The following CDH8 variants were observed in gnomAD, a reference collection of about 807,000 sequenced individuals.
The protein encoded by CDH8 is cadherin-8.
A neutral mutation model predicts 68.1 loss-of-function variants in CDH8; 17 were observed. The observed-to-expected ratio is 0.25, with a 90% CI of 0.17 to 0.37. The LOEUF (loss-of-function observed/expected upper bound fraction) is 0.37, where lower values mean the gene tolerates loss of function less well. Among genes scored for constraint, CDH8 ranks in the 10% least tolerant of loss-of-function variants. CDH8 has a pLI of 1.00. For missense variants in CDH8, 763 were observed against 999.3 expected (o/e 0.76, Z 3.19); for synonymous variants, 372 against 365.1 (o/e 1.02, Z -0.21).
intron 8 of CDH8, among the ~76,000 whole-genome samples, chr16:61,768,433 T>TCTCC (rs1167876575): frequency 7.1e-6 from 1 of 141,064 alleles, no homozygotes; most frequent in African/African-American, 2.7e-5. Context: ...TCTCTCCCTC[T>TCTCC]CCCTCTCTCT....
At chr16:61,888,203 C>A (rs187870043) in intron 3 of CDH8, among the ~76,000 whole-genome samples, 4 of 152,234 alleles carry the variant, frequency 2.6e-5, no homozygotes, top group African/African-American at 7.2e-5. Flanking sequence ...AGTCCTAGGC[C>A]AGATAAATGT....
intron 8 of CDH8, among the ~76,000 whole-genome samples, chr16:61,759,410 G>A (rs1483673157): frequency 2.6e-5 from 4 of 151,846 alleles, no homozygotes; most frequent in Admixed American, 1.3e-4. Flanking sequence ...AAAGGAGAAG[G>A]AAAGTAATAG....
intron 8 of CDH8, among the ~76,000 whole-genome samples, chr16:61,772,332 C>G (rs1960797822): frequency 6.6e-6 from 1 of 151,934 alleles, no homozygotes; most frequent in South Asian, 2.1e-4. Context: ...CACGGTATGT[C>G]TTAATAGCAA....
At position 61,655,538 on chromosome 16, in the gene CDH8, T is replaced by C; in HGVS notation, c.1838A>G (p.Tyr613Cys). Reference sequence around the variant, plus strand: ...CATACTGAGTCCAATTGGAAGGACATAAGCTTCGACATTGCAAGACTGGAC... The same window carrying C: ...CATACTGAGTCCAATTGGAAGGACACAAGCTTCGACATTGCAAGACTGGAC... ...GVVQSCNVEA[Y>C]VLPIGLSMGA... Residue 613 changes from tyrosine to cysteine, a missense_variant, in exon 11 of 12, where the codon TAT becomes TGT. Physicochemically the swap from Tyr to Cys is radical, Grantham distance 194. Coordinates refer to ENST00000577390, the MANE Select transcript of CDH8 (RefSeq NM_001796.5). 1 of 1,614,092 alleles carries C rather than the reference T, an allele frequency of 6.2e-7. No individual in the cohort carries two copies. Among genetic ancestry groups the C allele is most frequent in the Non-Finnish European group, 8.5e-7 (1 of 1,180,016 alleles).
intron 10 of CDH8, among the ~76,000 whole-genome samples, chr16:61,660,917 A>T (rs1356102579): frequency 6.6e-6 from 1 of 152,120 alleles, no homozygotes; most frequent in Non-Finnish European, 1.5e-5. Context: ...ACTAAGAAAT[A>T]CTAAAGGAAG....
In CDH8 at chr16:61,845,502, T is replaced by TAAAA. The variant is rs749345691; in HGVS notation, c.667+11613_667+11616dup. 2.8e-3 allele frequency among the ~76,000 whole-genome samples: 332 copies of TAAAA among 117,666 alleles called. 1 individual carries two copies. The highest frequency in any genetic ancestry group is 3.8e-3 in the East Asian group (16 of 4,160). 77.2% of individuals were successfully genotyped at this position (117,666 alleles called of 152,430 possible). A position where few individuals can be genotyped will look rare whatever the true frequency, so the allele number is the denominator to read the frequency against. ...CCTTTAAAGAAACTCTCCAGATATG[T>TAAAA]AAAAAAAAAAAAAAAAAAAACTATC... On this transcript the variant is annotated intron_variant, in intron 4 of 11. Coordinates refer to ENST00000577390, the MANE Select transcript of CDH8 (RefSeq NM_001796.5).
intron 9 of CDH8, among the ~76,000 whole-genome samples, chr16:61,723,750 A>AT (rs1352838683): frequency 2.0e-5 from 3 of 150,598 alleles, no homozygotes; most frequent in Non-Finnish European, 3.0e-5. Context: ...TGTCAGACAT[A>AT]TATTTGGCTT....
intron 1 of CDH8, among the ~76,000 whole-genome samples, chr16:62,025,013 C>T (rs949194088): frequency 1.3e-5 from 2 of 152,124 alleles, no homozygotes; most frequent in Non-Finnish European, 2.9e-5. Context: ...AAACAATTCA[C>T]TGAAACGTAG....
At chr16:61,746,107 T>A (rs1474343641) in intron 8 of CDH8, among the ~76,000 whole-genome samples, 1 of 152,150 alleles carries the variant, frequency 6.6e-6, no homozygotes, top group Non-Finnish European at 1.5e-5. Context: ...TTTCAGCTTC[T>A]TAGTACTAGC....
At chr16:61,681,789 A>G (rs1964017087) in intron 10 of CDH8, among the ~76,000 whole-genome samples, 2 of 151,932 alleles carry the variant, frequency 1.3e-5, no homozygotes, top group East Asian at 1.9e-4. Flanking sequence ...AGATTGGAAG[A>G]GTAGTTGCAA....
At chr16:61,882,821 T>C (rs1963602052) in intron 3 of CDH8, among the ~76,000 whole-genome samples, 1 of 152,148 alleles carries the variant, frequency 6.6e-6, no homozygotes, top group East Asian at 1.9e-4. Flanking sequence ...CCAACCCCCA[T>C]GCCACACATT....
chr16:61,746,594 C>T (rs1034899393), intron 8 of CDH8, among the ~76,000 whole-genome samples: 3 of 144,688 alleles, frequency 2.1e-5, no homozygotes, highest in East Asian at 2.1e-4. Context: ...CACACACACA[C>T]ATTATGATGT....
chr16:61,990,953 A>T (rs2150589240), intron 2 of CDH8, among the ~76,000 whole-genome samples: 1 of 151,598 alleles, frequency 6.6e-6, no homozygotes, highest in East Asian at 1.9e-4. Context: ...AGAGAGAGAG[A>T]AAAAAGAAAG....
At chr16:61,900,448 C>T (rs551701192) in intron 3 of CDH8, among the ~76,000 whole-genome samples, 1 of 152,262 alleles carries the variant, frequency 6.6e-6, no homozygotes, top group East Asian at 1.9e-4. Flanking sequence ...CTCTAAAATC[C>T]TTCCTTTTAT....
intron 10 of CDH8, among the ~76,000 whole-genome samples, chr16:61,696,289 T>C (rs1173602044): frequency 6.6e-6 from 1 of 152,180 alleles, no homozygotes; most frequent in Non-Finnish European, 1.5e-5. Context: ...ATCAATCAAG[T>C]GGCTCCAGTG....
chr16:61,784,743 G>C (rs1355120129), intron 8 of CDH8, among the ~76,000 whole-genome samples: 2 of 150,174 alleles, frequency 1.3e-5, no homozygotes, highest in Non-Finnish European at 3.0e-5. Context: ...CTGTCTCTCA[G>C]ACCACAGTGC....
chr16:61,684,972 T>A (rs1023585677), intron 10 of CDH8, among the ~76,000 whole-genome samples: 1 of 151,950 alleles, frequency 6.6e-6, no homozygotes, highest in Non-Finnish European at 1.5e-5. Context: ...TAGCTTCCTA[T>A]TACTGTCAAT....
At chr16:61,689,682 C>G (rs1964180060) in intron 10 of CDH8, among the ~76,000 whole-genome samples, 1 of 152,004 alleles carries the variant, frequency 6.6e-6, no homozygotes. Context: ...GCAATACTTA[C>G]TATGTGTTCA....
chr16:61,954,887 A>G (rs1161406054), intron 2 of CDH8, among the ~76,000 whole-genome samples: 2 of 152,182 alleles, frequency 1.3e-5, no homozygotes, highest in Non-Finnish European at 2.9e-5. Context: ...TAATGAACAC[A>G]TCTGTAAATA....
Sources: gnomAD v4.1 joint callset for allele counts (sites outside exome capture counted in the v4.1 genomes callset) on GRCh38, gnomAD v4.1.1 for gene constraint, MANE v1.5 for transcripts, NCBI Gene and HGNC (gene_info 2026-07-23, HGNC 2026-07-21) for gene names.